PLEKHG4B: variants seen among roughly 807,000 people sequenced by gnomAD.
PLEKHG4B encodes pleckstrin homology and RhoGEF domain containing G4B.
Under a neutral mutation model 121.3 loss-of-function variants are expected in PLEKHG4B, and 111 were observed. The observed-to-expected ratio is 0.92, with a 90% CI of 0.78 to 1.07. The LOEUF (loss-of-function observed/expected upper bound fraction) is 1.07, where lower values mean the gene tolerates loss of function less well. PLEKHG4B is among the 50% of genes least tolerant of loss of function. PLEKHG4B has a pLI of 0.00. For missense variants in PLEKHG4B, 1,831 were observed against 1,757.8 expected (o/e 1.04, Z -0.74); for synonymous variants, 738 against 725.0 (o/e 1.02, Z -0.29).
chr5:121,813 A>G (rs550338008), intron 2 of PLEKHG4B, among the ~76,000 whole-genome samples: 3 of 152,114 alleles, frequency 2.0e-5, no homozygotes, highest in Admixed American at 6.6e-5. Context: ...TTAGGTTAAT[A>G]AAAGAGTAGA....
At chr5:98,890 C>T (rs1579229474) in intron 1 of PLEKHG4B, among the ~76,000 whole-genome samples, 1 of 86,618 alleles carries the variant, frequency 1.2e-5, no homozygotes, top group Admixed American at 1.6e-4. Flanking sequence ...GGTGTGGTGT[C>T]TCATGCTTGT....
chr5:131,162 C>G (rs1393471978), intron 2 of PLEKHG4B, among the ~76,000 whole-genome samples: 2 of 150,534 alleles, frequency 1.3e-5, no homozygotes, highest in African/African-American at 5.0e-5. Flanking sequence ...GCACAACGTG[C>G]AGGTTTGTTG....
chr5:93,957 C>T (rs1443283968), intron 1 of PLEKHG4B, among the ~76,000 whole-genome samples: 1 of 152,142 alleles, frequency 6.6e-6, no homozygotes, highest in Non-Finnish European at 1.5e-5. Flanking sequence ...GACACCACTG[C>T]CTCCCTCCTT....
At chr5:97,705 G>A (rs1266768528) in intron 1 of PLEKHG4B, among the ~76,000 whole-genome samples, 1 of 152,096 alleles carries the variant, frequency 6.6e-6, no homozygotes, top group Admixed American at 6.5e-5. Flanking sequence ...ATGGACATTT[G>A]GACTTTTTCT....
At chr5:131,749 A>G (rs1472487151) in intron 2 of PLEKHG4B, among the ~76,000 whole-genome samples, 1 of 152,116 alleles carries the variant, frequency 6.6e-6, no homozygotes, top group Non-Finnish European at 1.5e-5. Context: ...AAGTGTTCCT[A>G]TTTCTCCACA....
intron 1 of PLEKHG4B, among the ~76,000 whole-genome samples, chr5:97,919 A>G (rs80010311): frequency 0.043 from 6,579 of 152,122 alleles, 215 homozygotes; most frequent in Non-Finnish European, 0.058. Context: ...CACAGGTGCA[A>G]TTTCCCCACA....
At chr5:148,444 G>C (rs1735502518) in intron 6 of PLEKHG4B, among the ~76,000 whole-genome samples, 1 of 151,758 alleles carries the variant, frequency 6.6e-6, no homozygotes, top group Non-Finnish European at 1.5e-5. Flanking sequence ...CTAACAGTGA[G>C]CAATCTGAAA....
chr5:186,041 GGTGCCCA>G lies in PLEKHG4B; in HGVS notation c.*3720_*3726del, dbSNP rs917901560. The stretch of plus-strand genomic sequence containing the variant: ...GGGCTGAGGTGTCTGTGGGGAAGGA[GGTGCCCA>G]GCCCTGGGAGGCCATCTTGCTCCTG... On this transcript the variant is annotated 3_prime_UTR_variant, in exon 20 of 20. Transcript: ENST00000637938. 1 of 152,192 alleles carries G rather than the reference GGTGCCCA, an allele frequency of 6.6e-6. No homozygotes were observed. The highest frequency in any genetic ancestry group is 6.5e-5 in the Admixed American group (1 of 15,290). The allele number at this position is 152,192 out of a possible 1,614,324, so 9.4% of individuals were successfully genotyped here.
chr5:112,636 G>T (rs1018988732), intron 1 of PLEKHG4B, among the ~76,000 whole-genome samples: 5 of 152,212 alleles, frequency 3.3e-5, no homozygotes, highest in Non-Finnish European at 7.3e-5. Context: ...TGCCAAATGG[G>T]CACAATTCAG....
chr5:115,935 T>G (rs1734295709), intron 2 of PLEKHG4B, among the ~76,000 whole-genome samples: 1 of 152,254 alleles, frequency 6.6e-6, no homozygotes, highest in Non-Finnish European at 1.5e-5. Flanking sequence ...ATTTGTGTGT[T>G]CCTTAGAGTG....
chr5:132,012 T>C (rs1264471067), intron 2 of PLEKHG4B, among the ~76,000 whole-genome samples: 3 of 152,108 alleles, frequency 2.0e-5, no homozygotes, highest in Non-Finnish European at 4.4e-5. Context: ...AAAAGGAAAC[T>C]ATCTCAACAT....
In PLEKHG4B at chr5:163,318, A is replaced by G; in HGVS notation, c.3246A>G (p.Lys1082=). ...ATCCCCAGAAGAAAATGATAAAGAA[A>G]ACGCAAAGTTTCGAGATACCTCAGC... is the stretch of plus-strand genomic sequence containing the variant. ...RKHPQKKMIK[K]TQSFEIPQPD... The change falls in exon 13 of 20, where the codon AAA becomes AAG. Residue 1082 remains lysine, a synonymous_variant. Coordinates refer to ENST00000637938, the MANE Select transcript of PLEKHG4B (RefSeq NM_052909.5). The G allele has an allele frequency of 1.2e-6, 2 of 1,613,378 alleles. No homozygotes were observed. Among genetic ancestry groups the G allele is most frequent in the Non-Finnish European group, 1.7e-6 (2 of 1,180,014 alleles).
chr5:147,525 G>C (rs1052270683), intron 6 of PLEKHG4B, among the ~76,000 whole-genome samples: 3 of 152,038 alleles, frequency 2.0e-5, no homozygotes, highest in Non-Finnish European at 4.4e-5. Context: ...AGTGACATCA[G>C]GGTGGAAAAA....
chr5:127,100 C>T (rs1734640547), intron 2 of PLEKHG4B, among the ~76,000 whole-genome samples: 5 of 152,180 alleles, frequency 3.3e-5, no homozygotes, highest in Admixed American at 3.3e-4. Context: ...CCATTTTGAA[C>T]ATGCCTAGTC....
At position 161,872 on chromosome 5, in the gene PLEKHG4B, C is replaced by T. The variant is rs148902682; in HGVS notation, c.2577C>T (p.Ala859=). 268 of 1,613,622 alleles carry T rather than the reference C, an allele frequency of 1.7e-4. No homozygotes were observed. The highest frequency in any genetic ancestry group is 5.2e-4 in the African/African-American group (39 of 74,910). ...MVQDFRRGLS[A]VVSQAECREG... ...AGGATTTCAGAAGGGGCCTGAGCGC[C>T]GTGGTCAGCCAGGCTGAGTGCAGGG... The change falls in exon 12 of 20, where the codon GCC becomes GCT. Residue 859 remains alanine (A), a synonymous_variant. Coordinates refer to ENST00000637938, the MANE Select transcript of PLEKHG4B (RefSeq NM_052909.5).
At chr5:112,396 A>C (rs567959459) in intron 1 of PLEKHG4B, among the ~76,000 whole-genome samples, 4 of 152,228 alleles carry the variant, frequency 2.6e-5, no homozygotes, top group Non-Finnish European at 5.9e-5. Context: ...GGTGTTTCTC[A>C]TGTAACTGTC....
At position 174,003 on chromosome 5, in the gene PLEKHG4B, A is replaced by G; in HGVS notation, c.4307A>G (p.Asp1436Gly). The change falls in exon 18 of 20, where the codon GAC (aspartate) becomes GGC (glycine). Residue 1436 changes from aspartate (D) to glycine (G), a missense_variant. Transcript: ENST00000637938. ...TTTCGCAGGCGGCGGAAATCTCAGG[A>G]CACCTACATTCTCCAAGCAAGCTCG... is the stretch of plus-strand genomic sequence containing the variant. ...IWFRRRRKSQ[D>G]TYILQASSAE... 1 of 1,610,872 alleles carries G rather than the reference A, an allele frequency of 6.2e-7. No individual in the cohort carries two copies.
intron 18 of PLEKHG4B, among the ~76,000 whole-genome samples, chr5:176,126 C>G (rs1736753834): frequency 8.4e-6 from 1 of 119,204 alleles, no homozygotes; most frequent in South Asian, 3.1e-4. Context: ...ACAGGCTCCC[C>G]CTCTGGCCCC....
rs1226266800 is a variant in PLEKHG4B, at chr5:143,057, A to G, written c.1488A>G (p.Ala496=). 2 of 1,613,316 alleles carry G rather than the reference A, an allele frequency of 1.2e-6. No individual in the cohort carries two copies. The highest frequency in any genetic ancestry group is 1.7e-6 in the Non-Finnish European group (2 of 1,179,936). Residue 496 remains alanine, a synonymous_variant, in exon 4 of 20, where the codon GCA becomes GCG. Coordinates refer to ENST00000637938, the MANE Select transcript of PLEKHG4B (RefSeq NM_052909.5). ...PGCTKEEDVL[A]SSACVSTDGG... ...CTTTCCTTTGTCCAGACGTTCTTGC[A>G]TCCTCAGCCTGTGTCAGCACAGACG...
Sources: gnomAD v4.1 joint callset for allele counts (sites outside exome capture counted in the v4.1 genomes callset) on GRCh38, gnomAD v4.1.1 for gene constraint, MANE v1.5 for transcripts, NCBI Gene and HGNC (gene_info 2026-07-23, HGNC 2026-07-21) for gene names.